SLC38A8: variants seen among roughly 807,000 people sequenced by gnomAD.
SLC38A8 encodes the protein solute carrier family 38 member 8.
A neutral mutation model predicts 46.0 loss-of-function variants in SLC38A8; 65 were observed. That is an observed-to-expected ratio of 1.41 (90% CI 1.16 to 1.74). The LOEUF (loss-of-function observed/expected upper bound fraction) is 1.74, where lower values mean the gene tolerates loss of function less well. Ranked by LOEUF, SLC38A8 falls within the 40% of genes most tolerant of loss-of-function variation. SLC38A8 has a pLI of 0.00. For missense variants in SLC38A8, 998 were observed against 567.9 expected (o/e 1.76, Z -7.70); for synonymous variants, 447 against 243.7 (o/e 1.83, Z -7.77).
At chr16:84,017,320 G>T in intron 7 of SLC38A8, 33 bp from the exon 8 acceptor site, 1 of 1,610,708 alleles carries the variant, frequency 6.2e-7, no homozygotes, top group Non-Finnish European at 8.5e-7. Flanking sequence ...GCCACAGAGT[G>T]GATTAGGAAA....
At position 84,033,419 on chromosome 16, in the gene SLC38A8, C is replaced by G. The variant is rs372136243; in HGVS notation, c.439G>C (p.Ala147Pro). ...GTPPAPQPWY[A>P]DQRFTLPLLS... ...AGGGGCAGGGTGAAGCGCTGGTCTG[C>G]GTACCACGGCTGCGGGGCGGGCGGG... The change falls in exon 4 of 11, where the codon GCA (alanine) becomes CCA (proline). Residue 147 changes from alanine (A) to proline (P), a missense_variant. Physicochemically the swap from Ala to Pro is conservative, Grantham distance 27 (BLOSUM62 -1). Transcript: ENST00000299709. 1.9e-6 allele frequency: 3 copies of G among 1,612,688 alleles called. No individual in the cohort carries two copies. The African/African-American group carries it at 4.0e-5, about 22-fold the overall frequency.
At chr16:84,018,889 A>C (rs1297202474) in intron 7 of SLC38A8, among the ~76,000 whole-genome samples, 1 of 152,192 alleles carries the variant, frequency 6.6e-6, no homozygotes, top group Non-Finnish European at 1.5e-5. Context: ...TAAAACTAGC[A>C]GAAGCTAAGG....
chr16:84,021,495 C>A (rs1038451024), intron 7 of SLC38A8, among the ~76,000 whole-genome samples: 2 of 152,194 alleles, frequency 1.3e-5, no homozygotes, highest in African/African-American at 2.4e-5. Context: ...TCAGTTCCGT[C>A]TGAAACCTCC....
intron 10 of SLC38A8, 79 bp downstream of exon 10, chr16:84,012,922 G>T (rs1597247208): frequency 6.8e-7 from 1 of 1,465,118 alleles, no homozygotes; most frequent in Admixed American, 1.8e-5. Context: ...TGAGAAATAG[G>T]ATCTGCAGGG....
At chr16:84,015,165 T>A (rs1794617934) in intron 9 of SLC38A8, among the ~76,000 whole-genome samples, 1 of 151,436 alleles carries the variant, frequency 6.6e-6, no homozygotes, top group Admixed American at 6.6e-5. Flanking sequence ...ACTGAGGGAG[T>A]CTCGACTGTG....
intron 2 of SLC38A8, among the ~76,000 whole-genome samples, chr16:84,038,621 A>C (rs2085329730): frequency 6.6e-6 from 1 of 152,194 alleles, no homozygotes. Flanking sequence ...TCAAAGTCTT[A>C]AGTGTATTGC....
At chr16:84,027,754 C>G (rs2085182220) in intron 6 of SLC38A8, among the ~76,000 whole-genome samples, 1 of 152,198 alleles carries the variant, frequency 6.6e-6, no homozygotes, top group Non-Finnish European at 1.5e-5. Context: ...CAGCCCAGGC[C>G]TCGTTGCTAG....
intron 6 of SLC38A8, among the ~76,000 whole-genome samples, chr16:84,024,480 G>A (rs118184826): frequency 0.03 from 4,567 of 152,070 alleles, 137 homozygotes; most frequent in South Asian, 0.16. Context: ...TGCCCAAGGG[G>A]GATAAGAATT....
chr16:84,042,417 T>G, intron 1 of SLC38A8, 134 bp downstream of exon 1: 9 of 338,172 alleles, frequency 2.7e-5, no homozygotes, highest in Non-Finnish European at 3.2e-5. Flanking sequence ...ACCTCACCCC[T>G]TCCCCCTCCC....
chr16:84,016,808 G>C, intron 8 of SLC38A8, 81 bp from the exon 9 acceptor site: 1 of 1,440,114 alleles, frequency 6.9e-7, no homozygotes, highest in Non-Finnish European at 9.4e-7. Context: ...CAGTCCTCCA[G>C]GAGTCCCCTC....
chr16:84,012,534 CAT>C (rs1288340003), intron 10 of SLC38A8, among the ~76,000 whole-genome samples: 4 of 152,324 alleles, frequency 2.6e-5, no homozygotes, highest in African/African-American at 7.2e-5. Flanking sequence ...AGGATGAAGA[CAT>C]GTGGGTATGG....
At chr16:84,018,377 C>T (rs535490801) in intron 7 of SLC38A8, among the ~76,000 whole-genome samples, 8 of 151,924 alleles carry the variant, frequency 5.3e-5, no homozygotes, top group Admixed American at 3.9e-4. Flanking sequence ...GGACTACAGA[C>T]GCCCGCCACA....
chr16:84,034,343 C>A (rs77294087), intron 3 of SLC38A8, among the ~76,000 whole-genome samples: 1 of 152,230 alleles, frequency 6.6e-6, no homozygotes, highest in East Asian at 1.9e-4. Context: ...CTAACCTCTC[C>A]GTGGAAAGAA....
intron 3 of SLC38A8, among the ~76,000 whole-genome samples, chr16:84,034,367 G>T (rs941347801): frequency 6.6e-6 from 1 of 152,236 alleles, no homozygotes; most frequent in Admixed American, 6.5e-5. Context: ...CAAAGAATGT[G>T]GGGCCATTTT....
chr16:84,042,049 C>T lies in SLC38A8; in HGVS notation c.109G>A (p.Ala37Thr), dbSNP rs528363069. ...MGAVFILMKS[A>T]LGAGLLNFPW... ...AAGTTGAGCAGGCCAGCTCCCAGCG[C>T]GGACTTCATGAGGATGAAGACAGCG... is the stretch of plus-strand genomic sequence containing the variant. The change falls in exon 2 of 11, where the codon GCG becomes ACG. Residue 37 changes from alanine (A) to threonine (T), a missense_variant. Ala to Thr is a moderately conservative substitution (Grantham distance 58). Coordinates refer to ENST00000299709, the MANE Select transcript of SLC38A8 (RefSeq NM_001080442.3). The T allele has an allele frequency of 4.1e-5, 66 of 1,613,980 alleles. 1 individual carries two copies. In the South Asian group the frequency reaches 5.9e-4, roughly 14 times the overall value.
intron 6 of SLC38A8, among the ~76,000 whole-genome samples, chr16:84,026,965 G>A (rs928313205): frequency 6.6e-6 from 1 of 152,178 alleles, no homozygotes; most frequent in Non-Finnish European, 1.5e-5. Context: ...TGGTTGCACA[G>A]CTCTGACTGT....
chr16:84,037,632 A>G (rs2002000), intron 2 of SLC38A8, among the ~76,000 whole-genome samples: 36,981 of 151,770 alleles, frequency 0.24, 4,578 homozygotes, highest in South Asian at 0.28. Flanking sequence ...ATGGTGGCAG[A>G]TGCCTGTAGT....
chr16:84,016,242 C>T (rs2085023409), intron 9 of SLC38A8, among the ~76,000 whole-genome samples: 1 of 152,196 alleles, frequency 6.6e-6, no homozygotes, highest in African/African-American at 2.4e-5. Flanking sequence ...CCTTGCCCTG[C>T]CCTTCACAGA....
chr16:84,021,644 G>T (rs1475228459), intron 7 of SLC38A8, among the ~76,000 whole-genome samples: 1 of 152,184 alleles, frequency 6.6e-6, no homozygotes, highest in Admixed American at 6.5e-5. Context: ...CTTCCAGCCT[G>T]CACTCATTGC....
Sources: gnomAD v4.1 joint callset for allele counts (sites outside exome capture counted in the v4.1 genomes callset) on GRCh38, gnomAD v4.1.1 for gene constraint, MANE v1.5 for transcripts, NCBI Gene and HGNC (gene_info 2026-07-23, HGNC 2026-07-21) for gene names.